STK39: variants seen among roughly 807,000 people sequenced by gnomAD.
STK39 encodes serine/threonine kinase 39, also known as STE20/SPS1-related proline-alanine-rich protein kinase.
Under a neutral mutation model 77.8 loss-of-function variants are expected in STK39, and 20 were observed. That is an observed-to-expected ratio of 0.26 (90% confidence interval 0.18 to 0.37). The LOEUF is 0.37. Among genes scored for constraint, STK39 ranks in the 10% least tolerant of loss-of-function variants. STK39 has a pLI of 1.00. For missense variants in STK39, 479 were observed against 656.5 expected (o/e 0.73, Z 2.95); for synonymous variants, 246 against 234.1 (o/e 1.05, Z -0.47).
intron 16 of STK39, among the ~76,000 whole-genome samples, chr2:168,003,694 C>T (rs1684056195): frequency 6.6e-6 from 1 of 152,154 alleles, no homozygotes; most frequent in African/African-American, 2.4e-5. Context: ...ACATAGACAA[C>T]TTTTAATCAG....
At chr2:168,115,833 T>C (rs889571997) in intron 10 of STK39, among the ~76,000 whole-genome samples, 1 of 152,062 alleles carries the variant, frequency 6.6e-6, no homozygotes. Context: ...TATGGGCAAG[T>C]GGACAATAGA....
chr2:167,987,222 A>G (rs553800811), intron 16 of STK39, among the ~76,000 whole-genome samples: 1 of 152,310 alleles, frequency 6.6e-6, no homozygotes, highest in Admixed American at 6.5e-5. Flanking sequence ...TCCCTACAAA[A>G]CTGCCACCCT....
chr2:168,093,522 C>T (rs759362658), intron 10 of STK39, among the ~76,000 whole-genome samples: 1 of 152,204 alleles, frequency 6.6e-6, no homozygotes, highest in African/African-American at 2.4e-5. Flanking sequence ...TACCTCCCAA[C>T]GGGTCCCCAT....
chr2:168,122,125 C>A (rs1028751888), intron 10 of STK39, among the ~76,000 whole-genome samples: 1 of 152,108 alleles, frequency 6.6e-6, no homozygotes. Flanking sequence ...CAGATTATTT[C>A]ATCACCCAGG....
intron 14 of STK39, among the ~76,000 whole-genome samples, chr2:168,026,243 A>C (rs540603800): frequency 2.0e-4 from 31 of 152,322 alleles, no homozygotes; most frequent in African/African-American, 7.2e-4. Context: ...TAGCGAAGGA[A>C]ATCTTGAACT....
At chr2:168,181,607 T>G (rs1433526541) in intron 2 of STK39, among the ~76,000 whole-genome samples, 1 of 152,168 alleles carries the variant, frequency 6.6e-6, no homozygotes, top group Non-Finnish European at 1.5e-5. Flanking sequence ...TCCATTTGTG[T>G]CACACATTCT....
chr2:168,083,227 C>A (rs974290578), intron 10 of STK39, among the ~76,000 whole-genome samples: 1 of 147,746 alleles, frequency 6.8e-6, no homozygotes, highest in Non-Finnish European at 1.5e-5. Context: ...TCCACATTCT[C>A]CTTTTTTTTT....
intron 14 of STK39, among the ~76,000 whole-genome samples, chr2:168,040,003 C>T (rs1485357217): frequency 1.3e-5 from 2 of 152,150 alleles, no homozygotes; most frequent in Non-Finnish European, 2.9e-5. Context: ...ACCTCAGACT[C>T]CCTACCCTAC....
At chr2:168,140,523 G>A (rs1408651412) in intron 6 of STK39, 126 bp downstream of exon 6, 1 of 1,152,420 alleles carries the variant, frequency 8.7e-7, no homozygotes. Context: ...GCTAGCAATT[G>A]AGAATTAAAT....
At chr2:167,970,138 C>T (rs1046970471) in intron 16 of STK39, among the ~76,000 whole-genome samples, 2 of 152,136 alleles carry the variant, frequency 1.3e-5, no homozygotes, top group African/African-American at 4.8e-5. Flanking sequence ...CCCTGGCTAC[C>T]CTATTAACAC....
chr2:168,064,819 C>T (rs989767134), intron 13 of STK39, among the ~76,000 whole-genome samples: 3 of 152,176 alleles, frequency 2.0e-5, no homozygotes, highest in Non-Finnish European at 4.4e-5. Flanking sequence ...CCCTCAACAC[C>T]TCCCACCATG....
rs111803465 is a variant in STK39, at chr2:167,994,079, C to A, written c.1498+18555G>T. ...TTCTGGAATACAGTCTTATACCAACCAGTGAACAGTTTAAGTAATGTAAAG... is the reference window on the plus strand; with the variant it reads ...TTCTGGAATACAGTCTTATACCAACAAGTGAACAGTTTAAGTAATGTAAAG... On this transcript the variant is annotated intron_variant, in intron 16 of 17. Transcript: ENST00000355999. Among the ~76,000 whole-genome samples, 1,342 of 152,288 alleles carry A rather than the reference C, an allele frequency of 8.8e-3. 18 individuals are homozygous for A. The highest frequency in any genetic ancestry group is 0.031 in the African/African-American group (1,268 of 41,540).
At chr2:167,982,511 G>A (rs750966572) in intron 16 of STK39, among the ~76,000 whole-genome samples, 1 of 152,150 alleles carries the variant, frequency 6.6e-6, no homozygotes, top group Non-Finnish European at 1.5e-5. Flanking sequence ...AGCTGCAGGA[G>A]GTATGTTTAT....
intron 7 of STK39, 109 bp downstream of exon 7, chr2:168,140,180 T>C: frequency 1.0e-6 from 1 of 964,508 alleles, no homozygotes; most frequent in Non-Finnish European, 1.6e-6. Context: ...CGTTCCTCCA[T>C]TAATTCTCCT....
chr2:168,087,061 C>A (rs550618402), intron 10 of STK39, among the ~76,000 whole-genome samples: 1 of 152,118 alleles, frequency 6.6e-6, no homozygotes, highest in Non-Finnish European at 1.5e-5. Context: ...ATAAAGAGAA[C>A]GATAGGAACA....
At chr2:168,067,107 A>G (rs1685816581) in intron 12 of STK39, among the ~76,000 whole-genome samples, 1 of 152,234 alleles carries the variant, frequency 6.6e-6, no homozygotes. Flanking sequence ...CTGTAGTCCC[A>G]GCTACTTGAG....
At chr2:168,037,928 C>A (rs1465252692) in intron 14 of STK39, among the ~76,000 whole-genome samples, 1 of 152,038 alleles carries the variant, frequency 6.6e-6, no homozygotes, top group Non-Finnish European at 1.5e-5. Context: ...GAAACAGAAG[C>A]TGTGCTGTAA....
At chr2:168,021,972 C>T (rs7559500) in intron 14 of STK39, among the ~76,000 whole-genome samples, 97,145 of 151,880 alleles carry the variant, frequency 0.64, 32,337 homozygotes, top group Non-Finnish European at 0.74. Flanking sequence ...ATGCATGTAC[C>T]AGCAAATATA....
chr2:167,965,393 T>C (rs1218970782), intron 16 of STK39, among the ~76,000 whole-genome samples: 1 of 152,222 alleles, frequency 6.6e-6, no homozygotes, highest in African/African-American at 2.4e-5. Flanking sequence ...TGGAGCTCAG[T>C]GCTGCAGATA....
Sources: allele counts gnomAD v4.1 joint callset (sites outside exome capture counted in the v4.1 genomes callset), GRCh38; gene constraint gnomAD v4.1.1; transcripts MANE v1.5; gene names NCBI Gene and HGNC (gene_info 2026-07-23, HGNC 2026-07-21).